EFHC1: variants seen among roughly 807,000 people sequenced by gnomAD.
The protein encoded by EFHC1 is EF-hand domain-containing protein 1.
EFHC1 carries 53 observed loss-of-function variants against 69.9 expected under a neutral mutation model. The ratio of observed to expected loss-of-function variants is 0.76; its 90% confidence interval spans 0.61 to 0.95. The LOEUF is 0.95. Among genes scored for constraint, EFHC1 ranks in the 40% least tolerant of loss-of-function variants. EFHC1 has a pLI of 0.00. For missense variants in EFHC1, 739 were observed against 798.7 expected (o/e 0.93, Z 0.90); for synonymous variants, 256 against 278.4 (o/e 0.92, Z 0.80).
chr6:52,452,359 G>A (rs1764933332), intron 3 of EFHC1, among the ~76,000 whole-genome samples: 1 of 152,262 alleles, frequency 6.6e-6, no homozygotes, highest in African/African-American at 2.4e-5. Flanking sequence ...GGAGTGCAGT[G>A]TCATGATCAT....
intron 5 of EFHC1, 40 bp from the exon 6 acceptor site, chr6:52,464,855 C>G: frequency 6.4e-7 from 1 of 1,559,934 alleles, no homozygotes; most frequent in Non-Finnish European, 8.8e-7. Context: ...TTGACACACT[C>G]ATTCCTTCTT....
intron 3 of EFHC1, among the ~76,000 whole-genome samples, chr6:52,439,628 A>G (rs1401341597): frequency 6.6e-6 from 1 of 152,176 alleles, no homozygotes; most frequent in African/African-American, 2.4e-5. Flanking sequence ...GATAACAGCA[A>G]TGGAGGAAAA....
At chr6:52,453,604 G>C (rs1304149519) in intron 4 of EFHC1, 67 of 1,219,292 alleles carry the variant, frequency 5.5e-5, no homozygotes, top group Non-Finnish European at 6.9e-5. Context: ...TTATTCCCAC[G>C]ATTTGAAGAA....
At chr6:52,469,123 C>A in intron 6 of EFHC1, 1 of 588,454 alleles carries the variant, frequency 1.7e-6, no homozygotes. Flanking sequence ...AGAGCATCAT[C>A]AGTTACTTCT....
At chr6:52,440,074 G>A (rs1340670684) in intron 3 of EFHC1, among the ~76,000 whole-genome samples, 7 of 151,908 alleles carry the variant, frequency 4.6e-5, no homozygotes, top group African/African-American at 1.2e-4. Context: ...ATTTATAGTC[G>A]GTTCTCATTA....
At position 52,420,464 on chromosome 6, in the gene EFHC1, G is replaced by T. The variant is rs146467751; in HGVS notation, c.54G>T (p.Lys18Asn). 27 of 1,614,042 alleles carry T rather than the reference G, an allele frequency of 1.7e-5. No individual in the cohort carries two copies. In the African/African-American group the frequency reaches 3.5e-4, roughly 21 times the overall value. Reference sequence around the variant, plus strand: ...CCTTTCTTCCGGGCACGTCCTTTAAGGACTCTACGGTGAGCAGTTATCTGC... The same window carrying T: ...CCTTTCTTCCGGGCACGTCCTTTAATGACTCTACGGTGAGCAGTTATCTGC... ...GLPFLPGTSF[K>N]DSTKTAFHRS... Residue 18 changes from lysine (K) to asparagine (N), a missense_variant, in exon 1 of 11, where the codon AAG (lysine) becomes AAT (asparagine). Physicochemically the swap from Lys to Asn is moderately conservative, Grantham distance 94. Transcript: ENST00000371068.
At chr6:52,428,283 C>T (rs1764343599) in intron 2 of EFHC1, 1 of 151,868 alleles carries the variant, frequency 6.6e-6, no homozygotes, top group Non-Finnish European at 1.5e-5. Context: ...TTTGGTGCAC[C>T]CATCACCCAG....
rs369201702 is a variant in EFHC1, at chr6:52,490,164, C to T, written c.1665C>T (p.Gly555=). The T allele has an allele frequency of 4.1e-5, 66 of 1,613,706 alleles. No homozygotes were observed. Among genetic ancestry groups the T allele is most frequent in the Admixed American group, 2.0e-4 (12 of 59,974 alleles). ...AESKQTEKDP[G]VQELEALIDT... is the part of the protein sequence containing the mutation. ...GCAAGCAAACTGAAAAGGATCCAGGCGTGCAGGAATTGGAAGCATTAATAG... is the reference window on the plus strand; with the variant it reads ...GCAAGCAAACTGAAAAGGATCCAGGTGTGCAGGAATTGGAAGCATTAATAG... Residue 555 remains glycine, a synonymous_variant, in exon 10 of 11, where the codon GGC becomes GGT. Coordinates refer to ENST00000371068, the MANE Select transcript of EFHC1 (RefSeq NM_018100.4).
chr6:52,453,826 A>G, intron 4 of EFHC1: 1 of 1,312,286 alleles, frequency 7.6e-7, no homozygotes, highest in Non-Finnish European at 1.0e-6. Context: ...TTCACTGACT[A>G]ATATTTTGGA....
intron 4 of EFHC1, chr6:52,453,834 G>A (rs561556027): frequency 1.5e-6 from 2 of 1,320,844 alleles, no homozygotes. Context: ...CTAATATTTT[G>A]GATCAAAGTG....
At chr6:52,470,496 CA>C (rs980402763) in intron 7 of EFHC1, among the ~76,000 whole-genome samples, 5 of 152,100 alleles carry the variant, frequency 3.3e-5, no homozygotes, top group Admixed American at 2.6e-4. Context: ...GTTCAGTAGG[CA>C]AAAGAATTTA....
intron 9 of EFHC1, chr6:52,488,754 C>T (rs1175793340): frequency 2.0e-5 from 3 of 152,096 alleles, no homozygotes; most frequent in Non-Finnish European, 4.4e-5. Context: ...TAAGTATATA[C>T]TCTTATTCCC....
At chr6:52,437,272 C>T (rs879402386) in intron 2 of EFHC1, among the ~76,000 whole-genome samples, 6 of 152,140 alleles carry the variant, frequency 3.9e-5, no homozygotes, top group Non-Finnish European at 7.4e-5. Context: ...AACCAAAAAT[C>T]GCAATCTTAT....
At chr6:52,481,817 A>T (rs754608410) in intron 9 of EFHC1, 2 of 152,158 alleles carry the variant, frequency 1.3e-5, no homozygotes, top group Non-Finnish European at 2.9e-5. Flanking sequence ...GGCCTGGGTG[A>T]AATCTCTAAA....
chr6:52,475,258 G>T (rs1765522323), intron 7 of EFHC1, among the ~76,000 whole-genome samples: 1 of 152,164 alleles, frequency 6.6e-6, no homozygotes, highest in Admixed American at 6.5e-5. Flanking sequence ...AGGGGAAAAG[G>T]TTTATGAGTG....
chr6:52,440,867 T>C (rs1369109464), intron 3 of EFHC1, among the ~76,000 whole-genome samples: 2 of 152,198 alleles, frequency 1.3e-5, no homozygotes, highest in Non-Finnish European at 2.9e-5. Context: ...GGTTTTGATT[T>C]GCATTTCTCT....
intron 1 of EFHC1, 103 bp downstream of exon 1, chr6:52,420,576 TCTC>T: frequency 7.1e-7 from 1 of 1,402,828 alleles, no homozygotes; most frequent in South Asian, 1.2e-5. Context: ...AAGTCTGTCT[TCTC>T]TCCAAACACG....
chr6:52,487,678 C>T (rs1485971451), intron 9 of EFHC1: 1 of 152,206 alleles, frequency 6.6e-6, no homozygotes, highest in Non-Finnish European at 1.5e-5. Flanking sequence ...TAAGAGCACA[C>T]AGAAAACTGT....
At chr6:52,430,755 A>G (rs1410796622) in intron 2 of EFHC1, among the ~76,000 whole-genome samples, 1 of 152,054 alleles carries the variant, frequency 6.6e-6, no homozygotes, top group Non-Finnish European at 1.5e-5. Context: ...CTCTTTCTCT[A>G]TCTTGTAGAA....
Sources: allele counts gnomAD v4.1 joint callset (sites outside exome capture counted in the v4.1 genomes callset), GRCh38; gene constraint gnomAD v4.1.1; transcripts MANE v1.5; gene names NCBI Gene and HGNC (gene_info 2026-07-23, HGNC 2026-07-21).